GALNT3: variants seen among roughly 807,000 people sequenced by gnomAD.
The protein encoded by GALNT3 is GalNAc transferase 3.
A neutral mutation model predicts 69.8 loss-of-function variants in GALNT3; 51 were observed. That is an observed-to-expected ratio of 0.73 (90% CI 0.58 to 0.92). The LOEUF (loss-of-function observed/expected upper bound fraction) is 0.92. Ranked by LOEUF, GALNT3 falls within the 40% of genes least tolerant of loss-of-function variation. GALNT3 has a pLI of 0.00. For missense variants in GALNT3, 711 were observed against 760.0 expected, an observed-to-expected ratio of 0.94 and a Z score of 0.76; for synonymous variants, 265 against 248.5, an observed-to-expected ratio of 1.07 and a Z score of -0.63.
rs755699017 is a variant in GALNT3 at position 165,755,022 on chromosome 2, G to T, written c.1434C>A (p.His478Gln). ...ATGTAAAATTTTTACACTGAAGGCG[G>T]TGTTTTATTTCAAATCTTTTTGAAA... is the stretch of plus-strand genomic sequence containing the variant. ...GDLSKRFEIK[H>Q]RLQCKNFTWY... The change falls in exon 8 of 11, where the codon CAC becomes CAA. Residue 478 changes from histidine (H) to glutamine (Q), a missense_variant. His to Gln is a conservative substitution (Grantham distance 24). Coordinates refer to ENST00000392701, the MANE Select transcript of GALNT3 (RefSeq NM_004482.4). 3.1e-6 allele frequency: 5 copies of T among 1,612,054 alleles called. No homozygotes were observed. Among genetic ancestry groups the T allele is most frequent in the South Asian group, 1.1e-5 (1 of 91,034 alleles).
chr2:165,761,618 A>AG, intron 4 of GALNT3: 1 of 294,092 alleles, frequency 3.4e-6, no homozygotes, highest in Non-Finnish European at 6.0e-6. Flanking sequence ...AGAAACATGG[A>AG]AAAAAAAAAA....
intron 2 of GALNT3, among the ~76,000 whole-genome samples, chr2:165,767,875 T>C (rs1559000514): frequency 7.0e-5 from 10 of 142,614 alleles, no homozygotes; most frequent in Non-Finnish European, 1.5e-5. Flanking sequence ...AAATCTTTTT[T>C]TTTTTTTTTT....
At chr2:165,777,463 T>C (rs1325898171) in intron 1 of GALNT3, among the ~76,000 whole-genome samples, 2 of 152,208 alleles carry the variant, frequency 1.3e-5, no homozygotes, top group Non-Finnish European at 2.9e-5. Flanking sequence ...CTTGCCCTGA[T>C]AATAAACCTT....
chr2:165,757,213 G>A lies in GALNT3; in HGVS notation c.1226C>T (p.Pro409Leu), dbSNP rs1426793200. Residue 409 changes from proline to leucine, a missense_variant, in exon 7 of 11, where the codon CCT (proline) becomes CTT (leucine). Transcript: ENST00000392701. The part of the protein sequence containing the change: ...WQCGGQLEIM[P>L]CSVVGHVFRS... ...AAAAACATGTCCAACAACAGAGCAA[G>A]GCATAATCTCCAACTGCCCACCACA... 6.2e-7 allele frequency: 1 copy of A among 1,613,856 alleles called. No individual in the cohort carries two copies. Among genetic ancestry groups the A allele is most frequent in the Non-Finnish European group, 8.5e-7 (1 of 1,179,950 alleles).
chr2:165,750,060 G>A (rs966375161), intron 9 of GALNT3, among the ~76,000 whole-genome samples, 166 bp from the exon 10 acceptor site: 8 of 152,002 alleles, frequency 5.3e-5, no homozygotes, highest in East Asian at 1.9e-4. Context: ...TGTGATAGAC[G>A]ATACAATAGC....
intron 1 of GALNT3, among the ~76,000 whole-genome samples, chr2:165,788,466 G>GGGGT (rs1553496967): frequency 2.0e-4 from 28 of 139,602 alleles, no homozygotes; most frequent in East Asian, 1.3e-3. Flanking sequence ...AATCCAAAAG[G>GGGGT]GTGTGTGTGT....
chr2:165,768,010 A>G (rs1473317305), intron 2 of GALNT3, among the ~76,000 whole-genome samples: 1 of 151,134 alleles, frequency 6.6e-6, no homozygotes. Flanking sequence ...AGTAGCTGGG[A>G]CTACAGGCGC....
Position 165,790,650 on chromosome 2 carries a change from C to T in GALNT3, c.-109+3365G>A, listed in dbSNP as rs905620077. On this transcript the variant is annotated intron_variant, in intron 1 of 10. Transcript: ENST00000392701. ...ATTTTCCTTAGGAGAAATATTTCAC[C>T]CACCAAGAATGTAAAGGCAGGTTAA... 2.0e-5 allele frequency among the ~76,000 whole-genome samples: 3 copies of T among 151,448 alleles called. No individual in the cohort carries two copies. In the South Asian group the frequency reaches 6.3e-4, roughly 32 times the overall value.
chr2:165,763,519 T>C (rs1688588110), intron 3 of GALNT3, among the ~76,000 whole-genome samples: 1 of 152,174 alleles, frequency 6.6e-6, no homozygotes, highest in African/African-American at 2.4e-5. Context: ...ATTAAGCTTT[T>C]AACACCTTCT....
chr2:165,757,011 A>G, intron 7 of GALNT3, 36 bp downstream of exon 7: 1 of 1,515,160 alleles, frequency 6.6e-7, no homozygotes, highest in East Asian at 2.3e-5. Context: ...CTTGTTATAG[A>G]TTTTATTGCA....
At position 165,765,018 on chromosome 2, in the gene GALNT3, G is replaced by A; in HGVS notation, c.554C>T (p.Pro185Leu). Residue 185 changes from proline to leucine, a missense_variant, in exon 3 of 11, where the codon CCC (proline) becomes CTC (leucine). Physicochemically the swap from Pro to Leu is moderately conservative, Grantham distance 98 (BLOSUM62 -3). Coordinates refer to ENST00000392701, the MANE Select transcript of GALNT3 (RefSeq NM_004482.4). ...AAAAACTATTATGACACTGGTGGTG[G>A]GCAGGGGAGGGCAGCGCTTAAATTT... The part of the protein sequence containing the change: ...EQKFKRCPPL[P>L]TTSVIIVFHN... The A allele has an allele frequency of 3.7e-6, 6 of 1,614,190 alleles. No homozygotes were observed. Among genetic ancestry groups the A allele is most frequent in the Non-Finnish European group, 5.1e-6 (6 of 1,180,018 alleles).
At position 165,747,822 on chromosome 2, in the gene GALNT3, T is replaced by A. The variant is rs1688286333; in HGVS notation, c.*959A>T. On this transcript the variant is annotated 3_prime_UTR_variant, in exon 11 of 11. Transcript: ENST00000392701. ...AAATGATTACAATAGTGTTGAGGAT[T>A]TTTTATTGTGTTTTCCACATAGATA... 1.2e-5 allele frequency: 2 copies of A among 169,130 alleles called. No homozygotes were observed. Among genetic ancestry groups the A allele is most frequent in the African/African-American group, 2.4e-5 (1 of 42,014 alleles). 10.5% of individuals were successfully genotyped at this position (169,130 alleles called of 1,614,324 possible).
intron 1 of GALNT3, among the ~76,000 whole-genome samples, chr2:165,772,550 A>C (rs1441894728): frequency 7.9e-6 from 1 of 126,806 alleles, no homozygotes; most frequent in Non-Finnish European, 1.6e-5. Flanking sequence ...GTGCCACTGC[A>C]CTCCAGCCTG....
chr2:165,757,994 T>C (rs932360323), intron 6 of GALNT3, among the ~76,000 whole-genome samples: 4 of 152,198 alleles, frequency 2.6e-5, no homozygotes, highest in African/African-American at 9.7e-5. Flanking sequence ...TTCTCTCCTT[T>C]CTTTCTTGAA....
chr2:165,750,410 C>A (rs1049094771), intron 9 of GALNT3, among the ~76,000 whole-genome samples: 2 of 152,122 alleles, frequency 1.3e-5, no homozygotes, highest in Non-Finnish European at 2.9e-5. Flanking sequence ...ATGACTGGCA[C>A]ACGGTGAGTT....
chr2:165,783,210 T>A (rs1279583737), intron 1 of GALNT3, among the ~76,000 whole-genome samples: 2 of 152,176 alleles, frequency 1.3e-5, no homozygotes, highest in Admixed American at 1.3e-4. Context: ...ATGCAGGGAA[T>A]CCCTTCACTA....
intron 2 of GALNT3, 81 bp downstream of exon 2, chr2:165,770,105 C>T: frequency 6.6e-7 from 1 of 1,524,014 alleles, no homozygotes; most frequent in Non-Finnish European, 9.0e-7. Flanking sequence ...AGCTAAAAAA[C>T]AGATAACTTC....
At chr2:165,749,715 A>G in intron 10 of GALNT3, 27 bp downstream of exon 10, 1 of 1,603,628 alleles carries the variant, frequency 6.2e-7, no homozygotes, top group Non-Finnish European at 8.5e-7. Context: ...AAATAGTTAA[A>G]TAGATGAATT....
At position 165,756,862 on chromosome 2, in the gene GALNT3, T is replaced by C. The variant is rs538142012; in HGVS notation, c.1392+185A>G. Among the ~76,000 whole-genome samples, 25 of 152,344 alleles carry C rather than the reference T, an allele frequency of 1.6e-4. No homozygotes were observed. The South Asian group carries it at 5.2e-3, about 32-fold the overall frequency. ...AACATCAAGTAGAATTCCTGATTTT[T>C]AAAAAGCAGTTTACTTAGTTTTTTT... On this transcript the variant is annotated intron_variant, in intron 7 of 10. Transcript: ENST00000392701.
Sources: gnomAD v4.1 joint callset for allele counts (sites outside exome capture counted in the v4.1 genomes callset) on GRCh38, gnomAD v4.1.1 for gene constraint, MANE v1.5 for transcripts, NCBI Gene and HGNC (gene_info 2026-07-23, HGNC 2026-07-21) for gene names.